DHRSX: variants seen among roughly 807,000 people sequenced by gnomAD.
DHRSX encodes dehydrogenase/reductase X-linked.
Under a neutral mutation model 34.0 loss-of-function variants are expected in DHRSX, and 31 were observed. The ratio of observed to expected loss-of-function variants is 0.91; its 90% CI spans 0.69 to 1.23. The LOEUF (loss-of-function observed/expected upper bound fraction) is 1.23, where lower values mean the gene tolerates loss of function less well. Ranked by LOEUF, DHRSX falls within the 50% of genes most tolerant of loss-of-function variation. The pLI is 0.00. For synonymous variants in DHRSX, 201 were observed against 183.8 expected (o/e 1.09, Z -0.76); for missense variants, 414 against 428.1 (o/e 0.97, Z 0.29).
At position 2,443,322 on chromosome X, in the gene DHRSX, C is replaced by T. The variant is rs769302238; in HGVS notation, c.110-18018G>A. 8.5e-5 allele frequency among the ~76,000 whole-genome samples: 13 copies of T among 152,098 alleles called. No homozygotes were observed. In the South Asian group the frequency reaches 1.5e-3, roughly 17 times the overall value. On this transcript the variant is annotated intron_variant, in intron 1 of 6. Transcript: ENST00000334651. ...TCCAGGGATTACAGGCACCAGCCAC[C>T]GTGGCTGGCCCTCAACCTTACTTTA...
chrX:2,459,883 G>A (rs886543265), intron 1 of DHRSX, among the ~76,000 whole-genome samples: 11 of 151,988 alleles, frequency 7.2e-5, no homozygotes, highest in African/African-American at 2.7e-4. Flanking sequence ...TGAGGCAGGT[G>A]GATCACCTGA....
chrX:2,489,051 C>T (rs762013715), intron 1 of DHRSX: 13 of 1,613,716 alleles, frequency 8.1e-6, no homozygotes, highest in East Asian at 2.2e-5. Flanking sequence ...TCCTCCACGC[C>T]GCCTGTCTGG....
chrX:2,469,572 ATG>A (rs1437135650), intron 1 of DHRSX, among the ~76,000 whole-genome samples: 4 of 151,316 alleles, frequency 2.6e-5, no homozygotes, highest in Middle Eastern at 3.5e-3. Context: ...GCCACCGTGT[ATG>A]CACTGAAGAC....
In DHRSX at chrX:2,396,765, C is replaced by CTT. The variant is rs71309495; in HGVS notation, c.286+11978_286+11979dup. ...TCCACATGGCCTTATCTGTGTCTCC[C>CTT]TTTTTTTTTTTTTTTTGAGATGGAG... On this transcript the variant is annotated intron_variant, in intron 3 of 6. Coordinates refer to ENST00000334651, the MANE Select transcript of DHRSX (RefSeq NM_145177.3). Among the ~76,000 whole-genome samples the CTT allele has an allele frequency of 1.2e-4, 16 of 128,180 alleles. 1 individual carries two copies. Among genetic ancestry groups the CTT allele is most frequent in the East Asian group, 4.5e-4 (2 of 4,414 alleles). The allele number at this position is 128,180 out of a possible 152,430, so 84.1% of individuals were successfully genotyped here. A position where few individuals can be genotyped will look rare whatever the true frequency, so the allele number is the denominator to read the frequency against.
At chrX:2,314,607 G>C (rs1388860723) in intron 3 of DHRSX, among the ~76,000 whole-genome samples, 3 of 151,726 alleles carry the variant, frequency 2.0e-5, no homozygotes, top group African/African-American at 7.3e-5. Context: ...TATATTTTGG[G>C]GTTAAATACA....
intron 3 of DHRSX, among the ~76,000 whole-genome samples, chrX:2,297,420 G>A (rs1174999022): frequency 1.3e-5 from 2 of 152,092 alleles, no homozygotes; most frequent in African/African-American, 4.8e-5. Context: ...ACCTTGCCTG[G>A]CCATCCTTTC....
chrX:2,298,626 A>ACACACACG (rs2041971570), intron 3 of DHRSX, among the ~76,000 whole-genome samples: 2 of 97,332 alleles, frequency 2.1e-5, no homozygotes, highest in African/African-American at 6.0e-5. Flanking sequence ...ACACACACAC[A>ACACACACG]CACACACACA....
chrX:2,473,087 G>A (rs969354431), intron 1 of DHRSX, among the ~76,000 whole-genome samples: 1 of 152,090 alleles, frequency 6.6e-6, no homozygotes, highest in Non-Finnish European at 1.5e-5. Flanking sequence ...TCACAGCCGT[G>A]ATTAAGGTGC....
intron 6 of DHRSX, among the ~76,000 whole-genome samples, chrX:2,233,253 G>A (rs1454107623): frequency 9.9e-5 from 15 of 152,142 alleles, no homozygotes; most frequent in Non-Finnish European, 2.1e-4. Flanking sequence ...GAATGATGAA[G>A]TGGGCTTGCT....
intron 3 of DHRSX, among the ~76,000 whole-genome samples, chrX:2,387,367 C>T (rs1348040958): frequency 1.3e-5 from 2 of 152,046 alleles, no homozygotes; most frequent in Non-Finnish European, 2.9e-5. Flanking sequence ...TAGAAAGGGG[C>T]ATTTATTCGG....
chrX:2,240,931 G>T (rs2016126910), intron 6 of DHRSX, among the ~76,000 whole-genome samples: 1 of 152,128 alleles, frequency 6.6e-6, no homozygotes, highest in Non-Finnish European at 1.5e-5. Flanking sequence ...CTGTATCCCA[G>T]CACTTCGGGA....
intron 4 of DHRSX, among the ~76,000 whole-genome samples, chrX:2,275,990 T>C (rs2041628940): frequency 6.6e-6 from 1 of 152,036 alleles, no homozygotes; most frequent in Non-Finnish European, 1.5e-5. Flanking sequence ...ATTACAGGTG[T>C]ATGCTACTAT....
intron 3 of DHRSX, among the ~76,000 whole-genome samples, chrX:2,379,920 G>A (rs768051069): frequency 6.6e-6 from 1 of 152,172 alleles, no homozygotes; most frequent in South Asian, 2.1e-4. Flanking sequence ...AACACATCTA[G>A]CAGGACCGCC....
intron 1 of DHRSX, among the ~76,000 whole-genome samples, chrX:2,484,247 A>G (rs8181246): frequency 0.19 from 29,462 of 152,148 alleles, 3,554 homozygotes; most frequent in South Asian, 0.28. Flanking sequence ...TGCTGGGATG[A>G]CAGATGTGAG....
chrX:2,494,302 G>A (rs1256564235), intron 1 of DHRSX, among the ~76,000 whole-genome samples: 2 of 151,798 alleles, frequency 1.3e-5, no homozygotes, highest in East Asian at 3.9e-4. Context: ...AAGAGGTCTC[G>A]ACACCTGGAA....
chrX:2,351,620 G>A (rs1243161059), intron 3 of DHRSX, among the ~76,000 whole-genome samples: 1 of 152,308 alleles, frequency 6.6e-6, no homozygotes, highest in African/African-American at 2.4e-5. Flanking sequence ...TAACCACTGG[G>A]ACCAGCCCTG....
chrX:2,429,705 C>T (rs145925252), intron 1 of DHRSX, among the ~76,000 whole-genome samples: 394 of 152,100 alleles, frequency 2.6e-3, no homozygotes, highest in African/African-American at 8.8e-3. Context: ...ATCCTCCCAC[C>T]CCGGCCTCCC....
intron 3 of DHRSX, among the ~76,000 whole-genome samples, chrX:2,292,092 C>G (rs1289143220): frequency 2.2e-4 from 33 of 152,052 alleles, no homozygotes; most frequent in Admixed American, 2.2e-3. Context: ...GGAGCTCATA[C>G]TCTAGGGAGA....
intron 3 of DHRSX, among the ~76,000 whole-genome samples, chrX:2,336,076 C>T (rs1000567436): frequency 2.6e-5 from 4 of 151,832 alleles, no homozygotes; most frequent in South Asian, 2.1e-4. Context: ...GGCGTGATCT[C>T]GGCTCACTGC....
Sources: allele counts gnomAD v4.1 joint callset (sites outside exome capture counted in the v4.1 genomes callset), GRCh38; gene constraint gnomAD v4.1.1; transcripts MANE v1.5; gene names NCBI Gene and HGNC (gene_info 2026-07-23, HGNC 2026-07-21).